Variants in PHF24 observed in about 807,000 individuals in gnomAD.
PHF24 encodes the protein Galpha inhibitory interacting protein.
Under a neutral mutation model 42.6 loss-of-function variants are expected in PHF24, and 25 were observed. That is an observed-to-expected ratio of 0.59 (90% CI 0.43 to 0.82). The LOEUF is 0.82. Ranked by LOEUF, PHF24 falls within the 40% of genes least tolerant of loss-of-function variation. The probability of loss-of-function intolerance (pLI) is 0.00; values close to 1 mark genes in which losing one functional copy is unlikely to be tolerated. For synonymous variants in PHF24, 185 were observed against 204.8 expected, an observed-to-expected ratio of 0.90 and a Z score of 0.83; for missense variants, 470 against 538.1, an observed-to-expected ratio of 0.87 and a Z score of 1.25.
At chr9:34,686,855 C>T in the PHF24 span, among the ~76,000 whole-genome samples, 1 of 152,122 alleles carries the variant, frequency 6.6e-6, no homozygotes, top group African/African-American at 2.4e-5. Flanking sequence ...CCCACCAGAA[C>T]TCTGGATAAA....
chr9:34,838,386 A>G, the PHF24 span: 327 of 1,066,994 alleles, frequency 3.1e-4, no homozygotes, highest in Non-Finnish European at 4.0e-4. Flanking sequence ...AGTTCAATTC[A>G]TGGTGGCTCC....
the PHF24 span, among the ~76,000 whole-genome samples, chr9:34,806,451 G>A: frequency 6.6e-6 from 1 of 151,922 alleles, no homozygotes; most frequent in African/African-American, 2.4e-5. Flanking sequence ...TGTTGTTTTG[G>A]GGTTTTTTGT....
chr9:34,920,976 G>A, the PHF24 span, among the ~76,000 whole-genome samples: 2 of 152,006 alleles, frequency 1.3e-5, no homozygotes, highest in Non-Finnish European at 2.9e-5. Context: ...CTTTCTTTGG[G>A]TGCCCTTTCT....
the PHF24 span, among the ~76,000 whole-genome samples, chr9:34,916,593 A>C: frequency 6.6e-6 from 1 of 152,270 alleles, no homozygotes; most frequent in African/African-American, 2.4e-5. Context: ...ATGTCATAAC[A>C]TTGAAAGTAC....
At chr9:34,977,972 C>A in intron 7 of PHF24, 43 bp from the exon 8 acceptor site, 1 of 1,514,282 alleles carries the variant, frequency 6.6e-7, no homozygotes, top group South Asian at 1.1e-5. Context: ...GCTCACGTGT[C>A]TTCAAACCAG....
the PHF24 span, among the ~76,000 whole-genome samples, chr9:34,921,106 T>C: frequency 1.3e-5 from 2 of 152,172 alleles, no homozygotes; most frequent in African/African-American, 4.8e-5. Flanking sequence ...CCCTGTTCAA[T>C]ATGATTCTAG....
the PHF24 span, among the ~76,000 whole-genome samples, chr9:34,698,693 T>C: frequency 6.6e-6 from 1 of 152,332 alleles, no homozygotes; most frequent in East Asian, 1.9e-4. Flanking sequence ...TTGGTTAGGC[T>C]GGTCTTGAAC....
chr9:34,689,160 C>T, the PHF24 span, among the ~76,000 whole-genome samples: 15 of 152,178 alleles, frequency 9.9e-5, no homozygotes, highest in Non-Finnish European at 2.2e-4. The surrounding 1 kb of genome is among the most constrained non-coding windows in gnomAD (Gnocchi z 4.1). Context: ...CTCCCCCAGC[C>T]GTGAGAGCTG....
rs754791233 is a variant in PHF24 at position 34,976,515 on chromosome 9, G to A, written c.644-20G>A. 1.9e-6 allele frequency: 3 copies of A among 1,603,850 alleles called. No homozygotes were observed. The highest frequency in any genetic ancestry group is 2.6e-6 in the Non-Finnish European group (3 of 1,173,260). ...GGCTGAGGAAGGATGGGCATGGCTA[G>A]CACGGGGTGCCTCCCACAGATTGCT... On this transcript the variant is annotated intron_variant, in intron 4 of 7. Coordinates refer to ENST00000242315, the Ensembl canonical transcript of PHF24.
At chr9:34,951,862 G>C in the PHF24 span, among the ~76,000 whole-genome samples, 918 of 152,290 alleles carry the variant, frequency 6.0e-3, 14 homozygotes, top group African/African-American at 0.021. Context: ...CTGGCTGTTG[G>C]CTGGAGGCCA....
At chr9:34,968,892 T>G (rs982114821) in intron 1 of PHF24, among the ~76,000 whole-genome samples, 4 of 152,144 alleles carry the variant, frequency 2.6e-5, no homozygotes, top group African/African-American at 9.7e-5. Flanking sequence ...GAATATGTAA[T>G]GATGAAGGTA....
At chr9:34,972,049 G>A (rs915599484) in intron 2 of PHF24, among the ~76,000 whole-genome samples, 1 of 152,198 alleles carries the variant, frequency 6.6e-6, no homozygotes, top group Non-Finnish European at 1.5e-5. Context: ...ACCAAGAAAA[G>A]CAGGGATGAT....
At chr9:34,759,183 C>T in the PHF24 span, among the ~76,000 whole-genome samples, 1 of 152,106 alleles carries the variant, frequency 6.6e-6, no homozygotes, top group Non-Finnish European at 1.5e-5. Context: ...TATCTTAGAA[C>T]CTTAAAGGAC....
intron 1 of PHF24, among the ~76,000 whole-genome samples, chr9:34,964,751 G>A (rs1826710349): frequency 6.6e-6 from 1 of 152,122 alleles, no homozygotes; most frequent in Non-Finnish European, 1.5e-5. Context: ...TCTTACCCAA[G>A]ACAGATTCTA....
At chr9:34,708,522 A>G in the PHF24 span, among the ~76,000 whole-genome samples, 1 of 152,196 alleles carries the variant, frequency 6.6e-6, no homozygotes, top group Non-Finnish European at 1.5e-5. Flanking sequence ...GAACTGTGCT[A>G]GGGCAGGTTT....
chr9:34,854,199 T>A, the PHF24 span, among the ~76,000 whole-genome samples: 36 of 149,456 alleles, frequency 2.4e-4, no homozygotes, highest in South Asian at 7.6e-3. Context: ...TCTATCTATT[T>A]TTTTTTTTTT....
chr9:34,978,266 T>G, exon 8 of PHF24: 1 of 608,790 alleles, frequency 1.6e-6, no homozygotes, highest in Non-Finnish European at 2.9e-6. Context: ...GAAATCACCA[T>G]TCCCCTCACA....
chr9:34,883,435 A>C, the PHF24 span, among the ~76,000 whole-genome samples: 5 of 152,152 alleles, frequency 3.3e-5, no homozygotes, highest in South Asian at 6.2e-4. Flanking sequence ...GCAACCTACA[A>C]AATGGGAGAA....
At chr9:34,723,736 A>T in the PHF24 span, 1 of 1,551,694 alleles carries the variant, frequency 6.4e-7, no homozygotes, top group Non-Finnish European at 8.7e-7. Flanking sequence ...GGAAAGGCTG[A>T]CCCTGTGAAG....
Sources: allele counts gnomAD v4.1 joint callset (sites outside exome capture counted in the v4.1 genomes callset), GRCh38; gene constraint gnomAD v4.1.1; non-coding constraint Gnocchi (gnomAD v3.1); transcripts MANE v1.5; gene names NCBI Gene and HGNC (gene_info 2026-07-23, HGNC 2026-07-21).